TPO: variants seen among roughly 807,000 people sequenced by gnomAD.
TPO encodes the protein thyroid peroxidase.
A neutral mutation model predicts 96.9 loss-of-function variants in TPO; 78 were observed. The ratio of observed to expected loss-of-function variants is 0.81; its 90% CI spans 0.67 to 0.97. The LOEUF (loss-of-function observed/expected upper bound fraction) is 0.97. Among genes scored for constraint, TPO ranks in the 50% least tolerant of loss-of-function variants. TPO has a pLI of 0.00. For missense variants in TPO, 1,252 were observed against 1,274.8 expected, an observed-to-expected ratio of 0.98 and a Z score of 0.27; for synonymous variants, 547 against 538.0, an observed-to-expected ratio of 1.02 and a Z score of -0.23.
chr2:1,524,973 C>A (rs1225104132), intron 15 of TPO, among the ~76,000 whole-genome samples: 2 of 134,710 alleles, frequency 1.5e-5, no homozygotes, highest in East Asian at 2.1e-4. Context: ...CAAATCCCCC[C>A]AGTGTGTGCA....
At chr2:1,524,254 TGCAACCTCCTCAAATCTCCTCACAGTGA>T (rs1675899825) in intron 15 of TPO, among the ~76,000 whole-genome samples, 3 of 137,472 alleles carry the variant, frequency 2.2e-5, no homozygotes, top group African/African-American at 8.4e-5. Flanking sequence ...CCCCACTGTG[TGCAACCTCCTCAAATCTCCTCACAGTGA>T]GCAACCTCCT....
At chr2:1,535,386 C>T (rs188659319) in intron 15 of TPO, among the ~76,000 whole-genome samples, 3 of 72,864 alleles carry the variant, frequency 4.1e-5, no homozygotes, top group South Asian at 1.5e-3. Flanking sequence ...CTCAAATCTC[C>T]CCACTGTGAG....
At chr2:1,497,991 C>CAAAAAAAAAAAAAAAA (rs543921082) in intron 13 of TPO, among the ~76,000 whole-genome samples, 2 of 87,294 alleles carry the variant, frequency 2.3e-5, no homozygotes, top group African/African-American at 9.5e-5. Context: ...CCCCATCTAC[C>CAAAAAAAAAAAAAAAA]AAAAAAAAAA....
In TPO at chr2:1,493,921, G is replaced by C. The variant is rs1362962869; in HGVS notation, c.1888G>C (p.Asp630His). The part of the protein sequence containing the change: ...DKILDLYKHP[D>H]NIDVWLGGLA... ...GATCCTGGACTTGTACAAGCATCCT[G>C]ACAACATCGATGTCTGGCTGGGAGG... Residue 630 changes from aspartate to histidine, a missense_variant, in exon 11 of 17, where the codon GAC (aspartate) becomes CAC (histidine). Asp to His is a moderately conservative substitution (Grantham distance 81). Coordinates refer to ENST00000329066, the MANE Select transcript of TPO (RefSeq NM_001206744.2). The C allele has an allele frequency of 6.2e-7, 1 of 1,614,220 alleles. No homozygotes were observed.
At chr2:1,444,008 A>G (rs564297559) in intron 5 of TPO, among the ~76,000 whole-genome samples, 233 of 137,780 alleles carry the variant, frequency 1.7e-3, no homozygotes, top group Non-Finnish European at 2.3e-3. Context: ...TCACTGCTGC[A>G]GGAGGCACCA....
intron 7 of TPO, among the ~76,000 whole-genome samples, chr2:1,461,638 C>T (rs1668442804): frequency 6.6e-6 from 1 of 152,130 alleles, no homozygotes; most frequent in South Asian, 2.1e-4. Flanking sequence ...GCACAGGTGA[C>T]CGTGACCGCC....
intron 15 of TPO, among the ~76,000 whole-genome samples, chr2:1,524,972 C>A (rs1376540768): frequency 7.4e-5 from 10 of 135,786 alleles, no homozygotes; most frequent in African/African-American, 8.4e-5. Context: ...CCAAATCCCC[C>A]CAGTGTGTGC....
chr2:1,487,708 C>A (rs1573392076), intron 9 of TPO, 113 bp from the exon 10 acceptor site: 2 of 1,408,212 alleles, frequency 1.4e-6, no homozygotes, highest in Non-Finnish European at 1.9e-6. Context: ...GCACTCCAGC[C>A]TGGGCAACAG....
At chr2:1,485,160 T>C (rs942445789) in intron 9 of TPO, among the ~76,000 whole-genome samples, 5 of 151,752 alleles carry the variant, frequency 3.3e-5, no homozygotes, top group Non-Finnish European at 1.5e-5. Flanking sequence ...CGGTGTTTGG[T>C]TTTCTGTCCT....
chr2:1,477,368 C>A lies in TPO; in HGVS notation c.1102C>A (p.Pro368Thr). 6.5e-7 allele frequency: 1 copy of A among 1,536,230 alleles called. No homozygotes were observed. Among genetic ancestry groups the A allele is most frequent in the Non-Finnish European group, 8.8e-7 (1 of 1,138,922 alleles). ...CGGCCGCGCCTACCTGCCCTTCGTG[C>A]CGCCACGCGCGCCTGCGGCCTGTGC... ...DSGRAYLPFV[P>T]PRAPAACAPE... is the part of the protein sequence containing the mutation. Residue 368 changes from proline to threonine, a missense_variant, in exon 8 of 17, where the codon CCG (proline) becomes ACG (threonine). Pro to Thr is a conservative substitution (Grantham distance 38). Transcript: ENST00000329066.
At chr2:1,389,691 T>G (rs551261805) in intron 1 of TPO, among the ~76,000 whole-genome samples, 8 of 152,316 alleles carry the variant, frequency 5.3e-5, no homozygotes, top group African/African-American at 1.7e-4. Context: ...CTGCCACTGA[T>G]AATCCATTGT....
intron 8 of TPO, chr2:1,477,902 A>T: frequency 1.0e-6 from 1 of 985,230 alleles, no homozygotes; most frequent in Non-Finnish European, 1.2e-6. Flanking sequence ...CCGGCTGGTG[A>T]TTATCCCACC....
intron 2 of TPO, among the ~76,000 whole-genome samples, chr2:1,421,753 C>T (rs1663557125): frequency 6.6e-6 from 1 of 152,168 alleles, no homozygotes; most frequent in Non-Finnish European, 1.5e-5. Flanking sequence ...TCCATAAAGC[C>T]CGGAATGCTG....
At chr2:1,532,134 T>A (rs1350589317) in intron 15 of TPO, among the ~76,000 whole-genome samples, 1 of 70,624 alleles carries the variant, frequency 1.4e-5, no homozygotes, top group Admixed American at 2.0e-4. Context: ...CGCAACCTCC[T>A]CTAATCCCCT....
rs1401987630 is a variant in TPO, at chr2:1,427,827, CTG to C, written c.179+4701_179+4702del. Among the ~76,000 whole-genome samples, 5 of 152,138 alleles carry C rather than the reference CTG, an allele frequency of 3.3e-5. No homozygotes were observed. In the East Asian group the frequency reaches 9.6e-4, roughly 29 times the overall value. On this transcript the variant is annotated intron_variant, in intron 3 of 16. Coordinates refer to ENST00000329066, the MANE Select transcript of TPO (RefSeq NM_001206744.2). ...GACCATTTCCAATATTCACAATTTG[CTG>C]TGAGTTCCAGGGTGTATTCAGCCTG...
At chr2:1,449,918 T>C (rs1667166723) in intron 5 of TPO, among the ~76,000 whole-genome samples, 2 of 152,152 alleles carry the variant, frequency 1.3e-5, no homozygotes, top group Admixed American at 6.5e-5. Context: ...CTGGTCTTAA[T>C]TGCCTTCAAT....
chr2:1,482,881 C>T (rs1292879459), intron 8 of TPO, among the ~76,000 whole-genome samples: 1 of 152,168 alleles, frequency 6.6e-6, no homozygotes, highest in Non-Finnish European at 1.5e-5. Context: ...CAGAGTCTGA[C>T]TGTGTTGCCC....
At position 1,473,236 on chromosome 2, in the gene TPO, G is replaced by A. The variant is rs1331200975; in HGVS notation, c.820-3850G>A. Among the ~76,000 whole-genome samples the A allele has an allele frequency of 3.3e-5, 5 of 152,152 alleles. No individual in the cohort carries two copies. The East Asian group carries it at 5.8e-4, about 18-fold the overall frequency. ...GACCTCCTGGGTGGTATTACAGCAC[G>A]GGTTTCCATTCATTTTGCACAGTGG... On this transcript the variant is annotated intron_variant, in intron 7 of 16. Transcript: ENST00000329066.
chr2:1,517,015 C>A, intron 15 of TPO, 33 bp downstream of exon 15: 1 of 1,605,398 alleles, frequency 6.2e-7, no homozygotes, highest in Non-Finnish European at 8.5e-7. Flanking sequence ...GTTACTTAGA[C>A]ACAAAGCAAT....
Sources: gnomAD v4.1 joint callset for allele counts (sites outside exome capture counted in the v4.1 genomes callset) on GRCh38, gnomAD v4.1.1 for gene constraint, MANE v1.5 for transcripts, NCBI Gene and HGNC (gene_info 2026-07-23, HGNC 2026-07-21) for gene names.